SCN2A: variants seen among roughly 807,000 people sequenced by gnomAD.
SCN2A encodes the protein sodium channel protein type 2 subunit alpha.
SCN2A carries 20 observed loss-of-function variants against 188.7 expected under a neutral mutation model. The ratio of observed to expected loss-of-function variants is 0.11; its 90% CI spans 0.07 to 0.15. SCN2A has a LOEUF of 0.15. SCN2A is among the 10% of genes least tolerant of loss of function. SCN2A has a pLI of 1.00. For missense variants in SCN2A, 1,278 were observed against 2,445.0 expected (o/e 0.52, Z 10.07); for synonymous variants, 804 against 833.1 (o/e 0.97, Z 0.60).
At chr2:165,286,802 C>T (rs1219973322) in intron 1 of SCN2A, among the ~76,000 whole-genome samples, 1 of 152,130 alleles carries the variant, frequency 6.6e-6, no homozygotes, top group African/African-American at 2.4e-5. Flanking sequence ...GGAAATTTTT[C>T]CAATTATCTC....
chr2:165,291,491 T>TTTCTTTCTTTCTTTTCTTTCTTTCTTTC (rs1389976633), intron 1 of SCN2A, among the ~76,000 whole-genome samples: 1 of 38,834 alleles, frequency 2.6e-5, no homozygotes, highest in African/African-American at 9.1e-5. Context: ...TCTTTCTTTC[T>TTTCTTTCTTTCTTTTCTTTCTTTCTTTC]TTTCTTTCTT....
In SCN2A at chr2:165,297,096, A is replaced by G. The variant is rs1173773190; in HGVS notation, c.347A>G (p.Asn116Ser). 4.4e-6 allele frequency: 7 copies of G among 1,609,044 alleles called. No individual in the cohort carries two copies. Among genetic ancestry groups the G allele is most frequent in the African/African-American group, 1.3e-5 (1 of 74,768 alleles). The change falls in exon 3 of 27, where the codon AAC becomes AGC. Residue 116 changes from asparagine (N) to serine (S), a missense_variant. By Grantham distance (46) the Asn-to-Ser change is conservative (BLOSUM62 1). Around this residue, in one of 17 missense-constraint regions of SCN2A, gnomAD observed 141 missense variants for 185.4 expected, o/e 0.76. Transcript: ENST00000375437. ...GCCCTTTACATTTTAACTCCCTTCAACCCTATTAGAAAATTAGCTATTAAG... is the reference window on the plus strand; with the variant it reads ...GCCCTTTACATTTTAACTCCCTTCAGCCCTATTAGAAAATTAGCTATTAAG... ...TPALYILTPF[N>S]PIRKLAIKIL...
At chr2:165,305,709 A>G (rs1184020634) in intron 3 of SCN2A, among the ~76,000 whole-genome samples, 1 of 152,200 alleles carries the variant, frequency 6.6e-6, no homozygotes, top group Non-Finnish European at 1.5e-5. Context: ...GTTTTTAGTG[A>G]CAAAACGTGA....
Position 165,342,401 on chromosome 2 carries a change from A to T in SCN2A, c.2494A>T (p.Ser832Cys), listed in dbSNP as rs1335220521. 1 of 1,614,034 alleles carries T rather than the reference A, an allele frequency of 6.2e-7. No homozygotes were observed. Among genetic ancestry groups the T allele is most frequent in the Non-Finnish European group, 8.5e-7 (1 of 1,179,964 alleles). ...GWNIFDGFIV[S>C]LSLMELGLAN... is the part of the protein sequence containing the mutation. The stretch of plus-strand genomic sequence containing the variant: ...GAATATTTTTGATGGTTTTATTGTG[A>T]GCCTTAGTTTAATGGAACTTGGTTT... The change falls in exon 15 of 27, where the codon AGC becomes TGC. Residue 832 changes from serine to cysteine, a missense_variant. By Grantham distance (112) the Ser-to-Cys change is moderately radical. This residue lies in a region of SCN2A where 83 missense variants were observed against 256.8 expected (regional missense o/e 0.32). Coordinates refer to ENST00000375437, the MANE Select transcript of SCN2A (RefSeq NM_001040142.2).
At chr2:165,246,886 A>G (rs1007913766) in intron 1 of SCN2A, among the ~76,000 whole-genome samples, 6 of 152,044 alleles carry the variant, frequency 3.9e-5, no homozygotes, top group Admixed American at 3.9e-4. Context: ...CTTAGATTTC[A>G]TACCCTTTCT....
At chr2:165,293,156 C>G (rs1347478751) in intron 1 of SCN2A, among the ~76,000 whole-genome samples, 1 of 152,194 alleles carries the variant, frequency 6.6e-6, no homozygotes, top group East Asian at 1.9e-4. Context: ...AGGCTAATAT[C>G]AAATCCTACT....
intron 26 of SCN2A, among the ~76,000 whole-genome samples, chr2:165,387,422 C>T (rs968835422): frequency 8.6e-5 from 13 of 152,026 alleles, no homozygotes; most frequent in African/African-American, 3.1e-4. Context: ...AATATGACCT[C>T]TTAAATAATT....
At chr2:165,343,181 CAG>C (rs1304162427) in intron 15 of SCN2A, among the ~76,000 whole-genome samples, 1 of 152,096 alleles carries the variant, frequency 6.6e-6, no homozygotes, top group Non-Finnish European at 1.5e-5. Flanking sequence ...TTTCAAATAA[CAG>C]AGGCTGTACA....
chr2:165,266,057 A>G (rs1694847182), intron 1 of SCN2A, among the ~76,000 whole-genome samples: 1 of 151,960 alleles, frequency 6.6e-6, no homozygotes, highest in African/African-American at 2.4e-5. Flanking sequence ...ATGATTTTGA[A>G]CTTTTTTGGA....
intron 3 of SCN2A, among the ~76,000 whole-genome samples, chr2:165,304,210 G>C (rs1696992808): frequency 6.6e-6 from 1 of 152,036 alleles, no homozygotes; most frequent in South Asian, 2.1e-4. Context: ...TGATTCCCCT[G>C]CCTTAGCCTC....
chr2:165,380,966 C>A (rs1701572179), intron 24 of SCN2A, 127 bp from the exon 25 acceptor site: 2 of 717,874 alleles, frequency 2.8e-6, no homozygotes, highest in Admixed American at 2.7e-5. Context: ...ATAAAGGCAT[C>A]TCTATAAATA....
chr2:165,372,967 A>G (rs1440333796), intron 20 of SCN2A: 3 of 354,552 alleles, frequency 8.5e-6, no homozygotes, highest in Non-Finnish European at 5.3e-6. Flanking sequence ...AAGAGCACAT[A>G]TATGGGCTTC....
intron 1 of SCN2A, chr2:165,271,237 C>T (rs891734069): frequency 3.9e-5 from 6 of 151,922 alleles, no homozygotes; most frequent in African/African-American, 7.3e-5. Context: ...TCTTTGGAAG[C>T]GGAGAGTATG....
chr2:165,331,702 T>G, intron 14 of SCN2A, 134 bp downstream of exon 14: 1 of 752,028 alleles, frequency 1.3e-6, no homozygotes. Flanking sequence ...TAGCATCCCT[T>G]TTAAATAACA....
At chr2:165,307,402 G>A (rs1482370665) in intron 3 of SCN2A, among the ~76,000 whole-genome samples, 1 of 151,972 alleles carries the variant, frequency 6.6e-6, no homozygotes, top group African/African-American at 2.4e-5. Context: ...GTTTAGAAAG[G>A]ACCTTATTAT....
At chr2:165,281,153 C>T (rs1184460760) in intron 1 of SCN2A, among the ~76,000 whole-genome samples, 1 of 151,918 alleles carries the variant, frequency 6.6e-6, no homozygotes, top group African/African-American at 2.4e-5. Flanking sequence ...CCCAGGAGGT[C>T]GAGGCTGCAG....
chr2:165,331,994 C>T (rs1698709747), intron 14 of SCN2A, among the ~76,000 whole-genome samples: 1 of 151,906 alleles, frequency 6.6e-6, no homozygotes, highest in South Asian at 2.1e-4. Flanking sequence ...GGGACATCAT[C>T]TGGGGGATTA....
rs1330463783 is a variant in SCN2A at position 165,389,375 on chromosome 2, A to G, written c.5569A>G (p.Ile1857Val). The G allele has an allele frequency of 6.2e-7, 1 of 1,614,030 alleles. No individual in the cohort carries two copies. The highest frequency in any genetic ancestry group is 2.2e-5 in the East Asian group (1 of 44,866). Residue 1857 changes from isoleucine (I) to valine (V), a missense_variant, in exon 27 of 27, where the codon ATC (isoleucine) becomes GTC (valine). Coordinates refer to ENST00000375437, the MANE Select transcript of SCN2A (RefSeq NM_001040142.2). This position sits in a 1 kb window ranked among gnomAD's most constrained non-coding sequence, Gnocchi z 4.2. ...VSGDRIHCLD[I>V]LFAFTKRVLG... is the part of the protein sequence containing the mutation. ...TGGTGACCGGATCCACTGTCTTGACATCTTATTTGCTTTTACAAAGCGTGT... is the reference window on the plus strand; with the variant it reads ...TGGTGACCGGATCCACTGTCTTGACGTCTTATTTGCTTTTACAAAGCGTGT...
chr2:165,390,293 A>G lies in SCN2A; in HGVS notation c.*469A>G, dbSNP rs1702077655. The G allele has an allele frequency of 5.8e-6, 1 of 172,330 alleles. No individual in the cohort carries two copies. Among genetic ancestry groups the G allele is most frequent in the African/African-American group, 2.4e-5 (1 of 41,516 alleles). The allele number at this position is 172,330 out of a possible 1,614,324, so 10.7% of individuals were successfully genotyped here. A position where few individuals can be genotyped will look rare whatever the true frequency, so the allele number is the denominator to read the frequency against. ...ACTATTATATGTGACTATTTTTGTAAATGGGTTTGTGTTTGGGGAGAGGGA... is the reference window on the plus strand; with the variant it reads ...ACTATTATATGTGACTATTTTTGTAGATGGGTTTGTGTTTGGGGAGAGGGA... On this transcript the variant is annotated 3_prime_UTR_variant, in exon 27 of 27. Transcript: ENST00000375437.
Sources: gnomAD v4.1 joint callset for allele counts (sites outside exome capture counted in the v4.1 genomes callset) on GRCh38, gnomAD v4.1.1 for gene constraint, gnomAD v4.1.1 regional missense constraint, Gnocchi (gnomAD v3.1) non-coding constraint, MANE v1.5 for transcripts, NCBI Gene and HGNC (gene_info 2026-07-23, HGNC 2026-07-21) for gene names.